Variants in MN1 observed in about 807,000 individuals in gnomAD.
The protein encoded by MN1 is MN1 proto-oncogene, transcriptional regulator.
In MN1, 19 loss-of-function variants were observed where a neutral mutation model predicts 86.9. The observed-to-expected ratio is 0.22, with a 90% CI of 0.15 to 0.32. MN1 has a LOEUF of 0.32. MN1 is among the 10% of genes least tolerant of loss of function. The pLI, the probability that MN1 is intolerant of heterozygous loss-of-function variation, is 1.00. For synonymous variants in MN1, 928 were observed against 849.6 expected (o/e 1.09, Z -1.60); for missense variants, 1,841 against 1,862.0 (o/e 0.99, Z 0.21).
At chr22:27,778,115 T>C (rs1933003771) in intron 1 of MN1, among the ~76,000 whole-genome samples, 1 of 152,166 alleles carries the variant, frequency 6.6e-6, no homozygotes, top group Non-Finnish European at 1.5e-5. Flanking sequence ...TTATTAGCAT[T>C]GTTGCCGTGA....
At position 27,774,046 on chromosome 22, in the gene MN1, C is replaced by A. The variant is rs1242291257; in HGVS notation, c.3781+22717G>T. 4.6e-5 allele frequency among the ~76,000 whole-genome samples: 7 copies of A among 152,278 alleles called. No homozygotes were observed. The East Asian group carries it at 7.7e-4, about 17-fold the overall frequency. Reference sequence around the variant, plus strand: ...GGGGCAGACACAGAGCAAACGGCCCCCTGGACAAACCTGCAGCTGCCAAAT... The same window carrying A: ...GGGGCAGACACAGAGCAAACGGCCCACTGGACAAACCTGCAGCTGCCAAAT... On this transcript the variant is annotated intron_variant, in intron 1 of 1. Transcript: ENST00000302326.
chr22:27,775,031 G>A (rs1303772151), intron 1 of MN1, among the ~76,000 whole-genome samples: 1 of 152,226 alleles, frequency 6.6e-6, no homozygotes, highest in Non-Finnish European at 1.5e-5. Flanking sequence ...GGCTGGTGAT[G>A]TCTCATGCTG....
intron 1 of MN1, among the ~76,000 whole-genome samples, chr22:27,773,660 T>C (rs1419864303): frequency 6.6e-6 from 1 of 152,210 alleles, no homozygotes; most frequent in Non-Finnish European, 1.5e-5. Flanking sequence ...GGTCCATTTA[T>C]TTATTTATTC....
At chr22:27,793,485 T>C (rs1030943173) in intron 1 of MN1, among the ~76,000 whole-genome samples, 1 of 152,182 alleles carries the variant, frequency 6.6e-6, no homozygotes, top group African/African-American at 2.4e-5. Context: ...AGGCTGGGTT[T>C]TGTTTTTTGT....
At chr22:27,777,212 G>A (rs1932989390) in intron 1 of MN1, among the ~76,000 whole-genome samples, 1 of 152,296 alleles carries the variant, frequency 6.6e-6, no homozygotes, top group South Asian at 2.1e-4. Context: ...TCACCATAGC[G>A]TGGATTTGGA....
rs1263535736 is a variant in MN1 at position 27,799,058 on chromosome 22, C to T, written c.1486G>A (p.Gly496Ser). ...TCGGGCACAGGCGGTGTGAACTCGC[C>T]GGGTAGGCCTGGGTAGGCGGAAGGG... ...LSPSAYPGLP[G>S]EFTPPVPDSF... Residue 496 changes from glycine to serine, a missense_variant, in exon 1 of 2, where the codon GGC (glycine) becomes AGC (serine). Transcript: ENST00000302326. The T allele has an allele frequency of 1.2e-6, 2 of 1,610,760 alleles. No individual in the cohort carries two copies. The highest frequency in any genetic ancestry group is 8.5e-7 in the Non-Finnish European group (1 of 1,178,222).
chr22:27,792,924 A>C (rs573386910), intron 1 of MN1, among the ~76,000 whole-genome samples: 134 of 152,212 alleles, frequency 8.8e-4, no homozygotes, highest in Non-Finnish European at 1.7e-3. Context: ...TGTCTAAAGA[A>C]ATTCCATGTT....
In MN1 at chr22:27,800,556, G is replaced by C; in HGVS notation, c.-13C>G. 1 of 1,613,836 alleles carries C rather than the reference G, an allele frequency of 6.2e-7. No individual in the cohort carries two copies. The highest frequency in any genetic ancestry group is 8.5e-7 in the Non-Finnish European group (1 of 1,179,998). ...CCAGCCCAAACATACTTGGCGGGGGGCAGAGGGGGATCAATAGGGCATGAC... is the reference window on the plus strand; with the variant it reads ...CCAGCCCAAACATACTTGGCGGGGGCCAGAGGGGGATCAATAGGGCATGAC... On this transcript the variant is annotated 5_prime_UTR_variant, in exon 1 of 2. Coordinates refer to ENST00000302326, the MANE Select transcript of MN1 (RefSeq NM_002430.3).
chr22:27,796,060 C>T (rs769215253), intron 1 of MN1, among the ~76,000 whole-genome samples: 1 of 152,146 alleles, frequency 6.6e-6, no homozygotes, highest in Non-Finnish European at 1.5e-5. Flanking sequence ...CCAGCACTCC[C>T]CCTCCCCAAC....
At chr22:27,774,383 T>C (rs1932949938) in intron 1 of MN1, among the ~76,000 whole-genome samples, 1 of 152,098 alleles carries the variant, frequency 6.6e-6, no homozygotes. Context: ...GAAGCTGGCA[T>C]TTCCTCCCCA....
chr22:27,798,281 A>G lies in MN1; in HGVS notation c.2263T>C (p.Ser755Pro), dbSNP rs1255476603. 8 of 1,526,888 alleles carry G rather than the reference A, an allele frequency of 5.2e-6. No homozygotes were observed. The highest frequency in any genetic ancestry group is 7.0e-6 in the Non-Finnish European group (8 of 1,147,558). The allele number at this position is 1,526,888 out of a possible 1,614,324, so 94.6% of individuals were successfully genotyped here. Reference sequence around the variant, plus strand: ...ACGCCTGGACCGCTGTGCGGCGTGGACTGCCGGCCGGCTGCACCAAACGGA... The same window carrying G: ...ACGCCTGGACCGCTGTGCGGCGTGGGCTGCCGGCCGGCTGCACCAAACGGA... ...GFPFGAAGRQSTPHSGPGVNS... is the reference protein window; with the variant it reads ...GFPFGAAGRQPTPHSGPGVNS... The change falls in exon 1 of 2, where the codon TCC (serine) becomes CCC (proline). Residue 755 changes from serine to proline, a missense_variant. Physicochemically the swap from Ser to Pro is moderately conservative, Grantham distance 74 (BLOSUM62 -1). Transcript: ENST00000302326.
intron 1 of MN1, among the ~76,000 whole-genome samples, chr22:27,773,064 G>A (rs1268958406): frequency 1.3e-5 from 2 of 151,520 alleles, no homozygotes; most frequent in African/African-American, 2.4e-5. Flanking sequence ...ACAAGGCCCC[G>A]AACAGGCCGG....
In MN1 at chr22:27,798,104, T is replaced by C. The variant is rs368952908; in HGVS notation, c.2440A>G (p.Ser814Gly). 3 of 1,610,856 alleles carry C rather than the reference T, an allele frequency of 1.9e-6. No homozygotes were observed. The highest frequency in any genetic ancestry group is 2.2e-5 in the East Asian group (1 of 44,818). The part of the protein sequence containing the change: ...ALSLGSFNKP[S>G]SKDNLFGQSC... ...TGGCCGAACAGGTTGTCCTTGGAGC[T>C]GGGCTTGTTGAAGGAGCCCAGCGAG... is the stretch of plus-strand genomic sequence containing the variant. The change falls in exon 1 of 2, where the codon AGC (serine) becomes GGC (glycine). Residue 814 changes from serine to glycine, a missense_variant. Physicochemically the swap from Ser to Gly is moderately conservative, Grantham distance 56 (BLOSUM62 0). Coordinates refer to ENST00000302326, the MANE Select transcript of MN1 (RefSeq NM_002430.3).
Position 27,799,630 on chromosome 22 carries a change from T to TGCTGGG in MN1, c.908_913dup (p.Pro303_Gln304dup), listed in dbSNP as rs1328304330. ...GAACACACCATGCTGCTGCTGCTGC[T>TGCTGGG]GCTGGGGCTGCTGCTGCTGCTGGGG... On this transcript the variant is annotated inframe_insertion, in exon 1 of 2. Transcript: ENST00000302326. 1.0e-5 allele frequency: 16 copies of TGCTGGG among 1,546,936 alleles called. No homozygotes were observed. Among genetic ancestry groups the TGCTGGG allele is most frequent in the Non-Finnish European group, 1.4e-5 (16 of 1,145,018 alleles).
chr22:27,787,081 G>A (rs916490442), intron 1 of MN1, among the ~76,000 whole-genome samples: 2 of 152,144 alleles, frequency 1.3e-5, no homozygotes, highest in East Asian at 3.9e-4. Context: ...CTTCTTCTTG[G>A]GGGAGAAAAT....
At chr22:27,788,258 G>A (rs1933164333) in intron 1 of MN1, among the ~76,000 whole-genome samples, 1 of 152,066 alleles carries the variant, frequency 6.6e-6, no homozygotes, top group African/African-American at 2.4e-5. Flanking sequence ...TTCCTCACTG[G>A]AGGTGCTTCT....
intron 1 of MN1, among the ~76,000 whole-genome samples, chr22:27,767,967 G>T (rs1034568876): frequency 6.6e-6 from 1 of 152,102 alleles, no homozygotes; most frequent in East Asian, 1.9e-4. Context: ...GCAGAAACAG[G>T]TTCAGAGACG....
chr22:27,771,362 G>A (rs1388477948), intron 1 of MN1, among the ~76,000 whole-genome samples: 1 of 151,448 alleles, frequency 6.6e-6, no homozygotes, highest in East Asian at 1.9e-4. Context: ...CAAGTAGCTG[G>A]GACTACAGGC....
At chr22:27,769,666 G>C (rs945276232) in intron 1 of MN1, among the ~76,000 whole-genome samples, 1 of 141,636 alleles carries the variant, frequency 7.1e-6, no homozygotes, top group African/African-American at 2.7e-5. Flanking sequence ...CATTCTCCTT[G>C]CCTCAGCCTC....
Sources: allele counts gnomAD v4.1 joint callset (sites outside exome capture counted in the v4.1 genomes callset), GRCh38; gene constraint gnomAD v4.1.1; transcripts MANE v1.5; gene names NCBI Gene and HGNC (gene_info 2026-07-23, HGNC 2026-07-21).